The following KRABD5 variants were observed in gnomAD, a reference collection of about 807,000 sequenced individuals.
The protein encoded by KRABD5 is KRAB domain-containing protein 5.
chr16:31,713,313 C>A, the KRABD5 span: 1 of 1,390,356 alleles, frequency 7.2e-7, no homozygotes, highest in Non-Finnish European at 1.0e-6. Flanking sequence ...CCCAGTCCTT[C>A]CATCTGGGAG....
chr16:31,731,221 T>C, the KRABD5 span, among the ~76,000 whole-genome samples: 2 of 152,164 alleles, frequency 1.3e-5, no homozygotes, highest in Admixed American at 1.3e-4. Flanking sequence ...CCTGAGCTGA[T>C]GAGATTTTGA....
At chr16:31,733,219 AT>A in the KRABD5 span, among the ~76,000 whole-genome samples, 322 of 151,258 alleles carry the variant, frequency 2.1e-3, 2 homozygotes, top group African/African-American at 7.1e-3. Context: ...TATCTTGTAT[AT>A]TTTTTTTTCT....
the KRABD5 span, chr16:31,759,479 T>C: frequency 7.1e-7 from 1 of 1,405,790 alleles, no homozygotes; most frequent in Non-Finnish European, 9.8e-7. Context: ...GAAGTTTATA[T>C]GGGTCTATTT....
chr16:31,722,865 C>G, the KRABD5 span: 2 of 1,199,260 alleles, frequency 1.7e-6, no homozygotes, highest in South Asian at 4.0e-5. Context: ...AATTCAGATT[C>G]CTGTTTCCAG....
the KRABD5 span, among the ~76,000 whole-genome samples, chr16:31,738,794 G>A: frequency 4.0e-5 from 6 of 151,828 alleles, no homozygotes; most frequent in Non-Finnish European, 7.4e-5. Flanking sequence ...GTTGATTTTT[G>A]TAATGACATG....
the KRABD5 span, among the ~76,000 whole-genome samples, chr16:31,734,242 T>A: frequency 6.6e-6 from 1 of 152,018 alleles, no homozygotes; most frequent in Non-Finnish European, 1.5e-5. Flanking sequence ...TAACTTTTTT[T>A]TTTTTTTTTA....
chr16:31,760,994 A>G, the KRABD5 span: 1 of 152,180 alleles, frequency 6.6e-6, no homozygotes, highest in African/African-American at 2.4e-5. Context: ...CTTCTGTCGC[A>G]GAAGTGGCAC....
At chr16:31,718,484 C>T in the KRABD5 span, among the ~76,000 whole-genome samples, 1 of 152,192 alleles carries the variant, frequency 6.6e-6, no homozygotes, top group Non-Finnish European at 1.5e-5. Context: ...TGAGCTGCTG[C>T]AGTTCTGTGA....
At chr16:31,737,933 A>G in the KRABD5 span, among the ~76,000 whole-genome samples, 1 of 152,178 alleles carries the variant, frequency 6.6e-6, no homozygotes, top group Non-Finnish European at 1.5e-5. Context: ...ACATCTTAAC[A>G]GTATTGTCTT....
At chr16:31,748,056 G>A in the KRABD5 span, among the ~76,000 whole-genome samples, 2 of 152,090 alleles carry the variant, frequency 1.3e-5, no homozygotes, top group African/African-American at 4.8e-5. Flanking sequence ...TAGACATGAA[G>A]TCCTCGCCCA....
the KRABD5 span, among the ~76,000 whole-genome samples, chr16:31,735,096 T>C: frequency 1.1e-4 from 16 of 147,282 alleles, no homozygotes; most frequent in Admixed American, 9.4e-4. Flanking sequence ...TTTCTTTTCT[T>C]TCTCTCTCTT....
the KRABD5 span, among the ~76,000 whole-genome samples, chr16:31,746,867 G>A: frequency 5.3e-5 from 8 of 151,848 alleles, no homozygotes; most frequent in African/African-American, 1.9e-4. Context: ...CAGCCAGGTG[G>A]TCTTCAAATG....
chr16:31,750,570 G>T, the KRABD5 span, among the ~76,000 whole-genome samples: 825 of 152,194 alleles, frequency 5.4e-3, 7 homozygotes, highest in Non-Finnish European at 8.3e-3. Context: ...ATGTTGAATA[G>T]AAGTGGTGAG....
the KRABD5 span, chr16:31,757,179 G>A: frequency 1.3e-5 from 2 of 152,082 alleles, no homozygotes; most frequent in Non-Finnish European, 2.9e-5. Flanking sequence ...AAAATTTAAT[G>A]GTGCTGTCCA....
the KRABD5 span, among the ~76,000 whole-genome samples, chr16:31,745,193 C>G: frequency 1.3e-5 from 2 of 151,962 alleles, no homozygotes; most frequent in Non-Finnish European, 2.9e-5. Flanking sequence ...GCCTCTCTAG[C>G]TCTTTTAATT....
the KRABD5 span, among the ~76,000 whole-genome samples, chr16:31,728,917 C>G: frequency 1.3e-5 from 2 of 152,270 alleles, no homozygotes; most frequent in Admixed American, 1.3e-4. Context: ...ATTTCTCCTT[C>G]CAGTTCTGTT....
chr16:31,735,112 C>T, the KRABD5 span, among the ~76,000 whole-genome samples: 16 of 150,572 alleles, frequency 1.1e-4, no homozygotes, highest in Admixed American at 9.2e-4. Flanking sequence ...CTCTTTCTTT[C>T]TTTTTTTCTT....
the KRABD5 span, chr16:31,761,353 T>C: frequency 6.6e-6 from 1 of 152,184 alleles, no homozygotes; most frequent in Non-Finnish European, 1.5e-5. Context: ...ATTAAAATTT[T>C]ATGATATTTT....
chr16:31,735,636 T>C, the KRABD5 span, among the ~76,000 whole-genome samples: 1 of 152,206 alleles, frequency 6.6e-6, no homozygotes, highest in East Asian at 1.9e-4. Flanking sequence ...TGGTATCTCA[T>C]TGTGGTTTGT....
Sources: gnomAD v4.1 joint callset for allele counts (sites outside exome capture counted in the v4.1 genomes callset) on GRCh38, gnomAD v4.1.1 for gene constraint, MANE v1.5 for transcripts, NCBI Gene and HGNC (gene_info 2026-07-23, HGNC 2026-07-21) for gene names.